Variants in WDR17 observed in about 807,000 individuals in gnomAD.
WDR17 encodes WD repeat-containing protein 17.
WDR17 carries 143 observed loss-of-function variants against 161.7 expected under a neutral mutation model. The observed-to-expected ratio is 0.88, with a 90% confidence interval of 0.77 to 1.02. The LOEUF (loss-of-function observed/expected upper bound fraction) is 1.02, where lower values mean the gene tolerates loss of function less well. Ranked by LOEUF, WDR17 falls within the 50% of genes least tolerant of loss-of-function variation. The pLI is 0.00. For synonymous variants in WDR17, 517 were observed against 515.6 expected (o/e 1.00, Z -0.04); for missense variants, 1,469 against 1,520.9 (o/e 0.97, Z 0.57).
At position 176,135,144 on chromosome 4, in the gene WDR17, C is replaced by T. The variant is rs1446096113; in HGVS notation, c.1135C>T (p.Pro379Ser). 1 of 1,612,180 alleles carries T rather than the reference C, an allele frequency of 6.2e-7. No individual in the cohort carries two copies. Among genetic ancestry groups the T allele is most frequent in the Non-Finnish European group, 8.5e-7 (1 of 1,178,592 alleles). ...AACTATCTTTGACTGCAAATTCAAA[C>T]CTGACGATCCTAATCTTTTAGCAAC... ...VETIFDCKFK[P>S]DDPNLLATAS... Residue 379 changes from proline (P) to serine (S), a missense_variant, in exon 8 of 29, where the codon CCT becomes TCT. Physicochemically the swap from Pro to Ser is moderately conservative, Grantham distance 74 (BLOSUM62 -1). Transcript: ENST00000508596.
intron 1 of WDR17, among the ~76,000 whole-genome samples, chr4:176,095,678 T>C (rs1736745165): frequency 1.3e-5 from 2 of 152,048 alleles, no homozygotes; most frequent in Non-Finnish European, 2.9e-5. Context: ...CTTTTTCTCT[T>C]CCCTTCCTTC....
intron 1 of WDR17, among the ~76,000 whole-genome samples, chr4:176,107,605 C>G (rs1738963113): frequency 6.6e-6 from 1 of 151,530 alleles, no homozygotes; most frequent in Non-Finnish European, 1.5e-5. Context: ...AGCTTTAAAT[C>G]AGAAGGAAAT....
rs185595808 is a variant in WDR17 at position 176,177,842 on chromosome 4, A to G, written c.3732+188A>G. On this transcript the variant is annotated intron_variant, in intron 28 of 28. Transcript: ENST00000508596. The stretch of plus-strand genomic sequence containing the variant: ...CCTCTTTCTGCCTAAAATAAATTCA[A>G]ATACAAGCATTGTACTGACTCTTAC... Among the ~76,000 whole-genome samples the G allele has an allele frequency of 3.6e-4, 54 of 152,024 alleles. 1 individual carries two copies. The highest frequency in any genetic ancestry group is 1.2e-3 in the African/African-American group (49 of 41,462).
At chr4:176,140,588 C>G (rs1745096466) in intron 10 of WDR17, among the ~76,000 whole-genome samples, 1 of 152,054 alleles carries the variant, frequency 6.6e-6, no homozygotes, top group African/African-American at 2.4e-5. Context: ...TTTTTAAAAT[C>G]AGATGCTCCT....
intron 18 of WDR17, among the ~76,000 whole-genome samples, chr4:176,159,335 AAAGG>A (rs1748683930): frequency 6.7e-6 from 1 of 150,366 alleles, no homozygotes; most frequent in East Asian, 2.0e-4. Flanking sequence ...AGAGAGAGAG[AAAGG>A]GAGAGAGAGA....
chr4:176,150,260 A>G, intron 15 of WDR17, 87 bp downstream of exon 15: 1 of 1,549,474 alleles, frequency 6.5e-7, no homozygotes, highest in South Asian at 1.3e-5. Context: ...ATTTACATGT[A>G]CCATTCTAAT....
chr4:176,093,178 T>G (rs562972861), intron 1 of WDR17, among the ~76,000 whole-genome samples: 12 of 152,258 alleles, frequency 7.9e-5, no homozygotes, highest in African/African-American at 2.6e-4. Context: ...AAAACATTGA[T>G]GAAACTGAAG....
At position 176,119,944 on chromosome 4, in the gene WDR17, A is replaced by G. The variant is rs368116707; in HGVS notation, c.385A>G (p.Ile129Val). The G allele has an allele frequency of 1.2e-6, 2 of 1,613,936 alleles. No homozygotes were observed. The highest frequency in any genetic ancestry group is 2.7e-5 in the African/African-American group (2 of 74,894). Residue 129 changes from isoleucine (I) to valine (V), a missense_variant, in exon 4 of 29, where the codon ATT becomes GTT. Coordinates refer to ENST00000508596, the MANE Select transcript of WDR17 (RefSeq NM_181265.4). Reference protein sequence around the residue: ...AFVSHRGPLFIWTISGPDSGV... With the variant: ...AFVSHRGPLFVWTISGPDSGV... Reference sequence around the variant, plus strand: ...TGTTTCCCACAGAGGCCCACTGTTCATTTGGACCATCTCAGGACCAGATAG... The same window carrying G: ...TGTTTCCCACAGAGGCCCACTGTTCGTTTGGACCATCTCAGGACCAGATAG...
At chr4:176,134,714 T>C (rs1419477019) in intron 7 of WDR17, among the ~76,000 whole-genome samples, 4 of 151,764 alleles carry the variant, frequency 2.6e-5, no homozygotes, top group Non-Finnish European at 4.4e-5. Flanking sequence ...CTTGGTCTTC[T>C]ATTGTAGTGC....
At chr4:176,119,019 C>T (rs1011080811) in intron 3 of WDR17, among the ~76,000 whole-genome samples, 10 of 151,922 alleles carry the variant, frequency 6.6e-5, no homozygotes, top group Admixed American at 3.9e-4. Flanking sequence ...TCAAACTCCA[C>T]ATGATCTGAT....
intron 1 of WDR17, among the ~76,000 whole-genome samples, chr4:176,081,858 G>T (rs1259312538): frequency 6.6e-6 from 1 of 152,110 alleles, no homozygotes; most frequent in East Asian, 1.9e-4. Context: ...GACTGACATA[G>T]ACCAAACATC....
chr4:176,162,358 A>T (rs1177677259), intron 21 of WDR17, among the ~76,000 whole-genome samples, 184 bp downstream of exon 21: 2 of 152,190 alleles, frequency 1.3e-5, no homozygotes, highest in Non-Finnish European at 2.9e-5. Flanking sequence ...TTTTAAGCAC[A>T]CATAGACTAT....
intron 9 of WDR17, 28 bp from the exon 10 acceptor site, chr4:176,139,864 A>G: frequency 6.4e-7 from 1 of 1,553,028 alleles, no homozygotes; most frequent in Non-Finnish European, 8.8e-7. Flanking sequence ...ATTATTTCTT[A>G]TTGATAGGTA....
At chr4:176,138,918 C>T (rs1031768905) in intron 9 of WDR17, among the ~76,000 whole-genome samples, 6 of 151,782 alleles carry the variant, frequency 4.0e-5, no homozygotes, top group African/African-American at 7.2e-5. Flanking sequence ...GTGTGTTCCA[C>T]AAAAAGAATT....
intron 1 of WDR17, among the ~76,000 whole-genome samples, chr4:176,082,612 T>C (rs1428010868): frequency 6.6e-6 from 1 of 152,162 alleles, no homozygotes; most frequent in Non-Finnish European, 1.5e-5. Flanking sequence ...CCAGGCTTAC[T>C]TTCCAAGTTC....
At chr4:176,090,720 G>A (rs1366908303) in intron 1 of WDR17, among the ~76,000 whole-genome samples, 1 of 152,134 alleles carries the variant, frequency 6.6e-6, no homozygotes, top group Non-Finnish European at 1.5e-5. Flanking sequence ...TATAGAGTAT[G>A]GAGTGGGAAA....
At chr4:176,117,279 A>G (rs1740797690) in intron 3 of WDR17, among the ~76,000 whole-genome samples, 1 of 151,976 alleles carries the variant, frequency 6.6e-6, no homozygotes, top group African/African-American at 2.4e-5. Flanking sequence ...AGCAATCACA[A>G]ATTCTATAGG....
chr4:176,072,711 G>A (rs1733397865), intron 1 of WDR17, among the ~76,000 whole-genome samples: 1 of 152,068 alleles, frequency 6.6e-6, no homozygotes, highest in Admixed American at 6.5e-5. Context: ...TTTTTGCATA[G>A]CTCCGAGCAC....
chr4:176,086,165 T>A (rs1402247887), intron 1 of WDR17, among the ~76,000 whole-genome samples: 48 of 152,034 alleles, frequency 3.2e-4, no homozygotes. Flanking sequence ...ATACTCTGAA[T>A]GATTTCAGCG....
Sources: gnomAD v4.1 joint callset for allele counts (sites outside exome capture counted in the v4.1 genomes callset) on GRCh38, gnomAD v4.1.1 for gene constraint, MANE v1.5 for transcripts, NCBI Gene and HGNC (gene_info 2026-07-23, HGNC 2026-07-21) for gene names.